The following MRTFA variants were observed in gnomAD, a reference collection of about 807,000 sequenced individuals.
The protein encoded by MRTFA is myocardin related transcription factor A.
In MRTFA, 20 loss-of-function variants were observed where a neutral mutation model predicts 83.5. That is an observed-to-expected ratio of 0.24 (90% confidence interval 0.17 to 0.35). The LOEUF is 0.35. Ranked by LOEUF, MRTFA falls within the 10% of genes least tolerant of loss-of-function variation. The pLI is 1.00. For synonymous variants in MRTFA, 659 were observed against 541.2 expected (o/e 1.22, Z -3.02); for missense variants, 1,200 against 1,224.7 (o/e 0.98, Z 0.30).
intron 4 of MRTFA, among the ~76,000 whole-genome samples, chr22:40,452,846 T>C (rs1016573054): frequency 1.3e-5 from 2 of 151,540 alleles, no homozygotes; most frequent in Admixed American, 1.3e-4. Context: ...CTACTTTTTA[T>C]GGCCTATTCA....
At chr22:40,432,894 C>T (rs1231888187) in intron 5 of MRTFA, among the ~76,000 whole-genome samples, 1 of 152,188 alleles carries the variant, frequency 6.6e-6, no homozygotes, top group Non-Finnish European at 1.5e-5. Context: ...CGCAAGTCTT[C>T]ACAGATGACA....
At chr22:40,608,076 G>A (rs1364348678) in intron 1 of MRTFA, among the ~76,000 whole-genome samples, 1 of 152,160 alleles carries the variant, frequency 6.6e-6, no homozygotes, top group Non-Finnish European at 1.5e-5. Flanking sequence ...CCAGGCTGGA[G>A]TGCAGTGGCA....
intron 3 of MRTFA, among the ~76,000 whole-genome samples, chr22:40,486,271 C>T (rs945546616): frequency 2.0e-5 from 3 of 152,148 alleles, no homozygotes; most frequent in Non-Finnish European, 1.5e-5. Flanking sequence ...CAGATTGTTC[C>T]CCACCTGCAA....
chr22:40,457,538 C>T (rs947274021), intron 4 of MRTFA, among the ~76,000 whole-genome samples: 1 of 151,624 alleles, frequency 6.6e-6, no homozygotes, highest in Admixed American at 6.6e-5. Flanking sequence ...TATGCAACTT[C>T]AGACAGAGAG....
chr22:40,556,840 C>T (rs1352251112), intron 2 of MRTFA, among the ~76,000 whole-genome samples: 2 of 152,178 alleles, frequency 1.3e-5, no homozygotes, highest in Non-Finnish European at 2.9e-5. Context: ...TTAACAGCAG[C>T]AGCCTTTCAG....
chr22:40,567,294 C>T (rs1249734840), intron 2 of MRTFA, among the ~76,000 whole-genome samples: 1 of 152,152 alleles, frequency 6.6e-6, no homozygotes. Flanking sequence ...GGTATGCTTT[C>T]CTTATGATTC....
chr22:40,553,355 C>A (rs1050068097), intron 2 of MRTFA, among the ~76,000 whole-genome samples: 1 of 152,068 alleles, frequency 6.6e-6, no homozygotes, highest in Non-Finnish European at 1.5e-5. Context: ...TTCACAGCAG[C>A]GCCTCGAAGG....
At chr22:40,587,043 A>T in intron 2 of MRTFA, 1 of 474,872 alleles carries the variant, frequency 2.1e-6, no homozygotes, top group East Asian at 6.4e-5. Flanking sequence ...TAGCTTCAAC[A>T]TGATTTTCAG....
At chr22:40,538,367 C>CA in intron 3 of MRTFA, among the ~76,000 whole-genome samples, 1 of 147,744 alleles carries the variant, frequency 6.8e-6, no homozygotes, top group Non-Finnish European at 1.5e-5. Flanking sequence ...TGCTTGAAGG[C>CA]AGCATGCTCG....
intron 1 of MRTFA, among the ~76,000 whole-genome samples, chr22:40,616,130 T>C (rs133035): frequency 0.29 from 43,742 of 152,186 alleles, 7,462 homozygotes; most frequent in East Asian, 0.63. Flanking sequence ...TCCAGACTTC[T>C]GGCTTCTTTT....
At chr22:40,507,231 T>C (rs938651710) in intron 3 of MRTFA, among the ~76,000 whole-genome samples, 5 of 152,074 alleles carry the variant, frequency 3.3e-5, no homozygotes, top group Admixed American at 3.3e-4. Flanking sequence ...CGTGGTGGCA[T>C]GCATCTGCAG....
At chr22:40,481,492 A>G (rs762365401) in intron 3 of MRTFA, among the ~76,000 whole-genome samples, 33 of 152,204 alleles carry the variant, frequency 2.2e-4, no homozygotes, top group Non-Finnish European at 4.7e-4. Flanking sequence ...CAGGGAAAAC[A>G]TAATAAATAA....
chr22:40,420,298 G>T, intron 11 of MRTFA, 107 bp downstream of exon 11: 1 of 1,298,838 alleles, frequency 7.7e-7, no homozygotes, highest in Non-Finnish European at 1.1e-6. Flanking sequence ...TTTCCATGAC[G>T]GTGGGTCCTA....
At chr22:40,574,440 A>ATTTTTTTT (rs1556012318) in intron 2 of MRTFA, among the ~76,000 whole-genome samples, 3 of 147,794 alleles carry the variant, frequency 2.0e-5, no homozygotes, top group East Asian at 2.0e-4. Context: ...TATTATTATT[A>ATTTTTTTT]TTTTTTTTTT....
intron 14 of MRTFA, among the ~76,000 whole-genome samples, chr22:40,414,558 T>C (rs1395327069): frequency 5.9e-5 from 9 of 152,132 alleles, no homozygotes; most frequent in African/African-American, 2.4e-5. Flanking sequence ...AAGAGTGAAA[T>C]TCTGACACAT....
chr22:40,469,729 T>C (rs1569283070), intron 3 of MRTFA, among the ~76,000 whole-genome samples: 1 of 152,054 alleles, frequency 6.6e-6, no homozygotes, highest in Admixed American at 6.5e-5. Context: ...AAAACAAATT[T>C]CAGTACATTT....
At chr22:40,468,821 C>T (rs914897876) in intron 3 of MRTFA, among the ~76,000 whole-genome samples, 1 of 152,192 alleles carries the variant, frequency 6.6e-6, no homozygotes, top group Non-Finnish European at 1.5e-5. Context: ...TGGCTTCCAA[C>T]TCTGGAGGCT....
intron 3 of MRTFA, among the ~76,000 whole-genome samples, chr22:40,546,094 A>T (rs1401353946): frequency 6.6e-6 from 1 of 151,940 alleles, no homozygotes; most frequent in African/African-American, 2.4e-5. Flanking sequence ...TTCTCACTCC[A>T]CTCTCTCAAC....
intron 1 of MRTFA, among the ~76,000 whole-genome samples, chr22:40,614,483 T>C (rs1442926978): frequency 6.6e-6 from 1 of 152,072 alleles, no homozygotes; most frequent in Non-Finnish European, 1.5e-5. Context: ...TGGACATTCA[T>C]AAATATTTTT....
Sources: allele counts gnomAD v4.1 joint callset (sites outside exome capture counted in the v4.1 genomes callset), GRCh38; gene constraint gnomAD v4.1.1; transcripts MANE v1.5; gene names NCBI Gene and HGNC (gene_info 2026-07-23, HGNC 2026-07-21).